Variants in NIPBL observed in about 807,000 individuals in gnomAD.
NIPBL encodes nipped-B-like protein.
A neutral mutation model predicts 321.8 loss-of-function variants in NIPBL; 19 were observed. The observed-to-expected ratio is 0.06, with a 90% confidence interval of 0.04 to 0.09. The LOEUF is 0.09. Among genes scored for constraint, NIPBL ranks in the 10% least tolerant of loss-of-function variants. NIPBL has a pLI of 1.00. For synonymous variants in NIPBL, 1,106 were observed against 1,114.1 expected (o/e 0.99, Z 0.14); for missense variants, 2,210 against 3,327.0 (o/e 0.66, Z 8.26).
In NIPBL at chr5:37,048,885, C is replaced by T. The variant is rs568348646; in HGVS notation, c.6763+210C>T. Among the ~76,000 whole-genome samples the T allele has an allele frequency of 3.3e-5, 5 of 152,056 alleles. No individual in the cohort carries two copies. The South Asian group carries it at 1.0e-3, about 32-fold the overall frequency. On this transcript the variant is annotated intron_variant, in intron 39 of 46. Transcript: ENST00000282516. ...AATTGTATATGTGTGTAAACATTAA[C>T]ATTTTGAGGGAGGAAAGAGATTATA...
intron 1 of NIPBL, among the ~76,000 whole-genome samples, chr5:36,889,099 A>C (rs1024732949): frequency 6.6e-6 from 1 of 152,134 alleles, no homozygotes; most frequent in African/African-American, 2.4e-5. Flanking sequence ...CAGTTTGGGG[A>C]CATAGGACTA....
intron 1 of NIPBL, among the ~76,000 whole-genome samples, chr5:36,950,316 G>GT: frequency 6.6e-6 from 1 of 152,012 alleles, no homozygotes; most frequent in Non-Finnish European, 1.5e-5. Context: ...AATCTGTTTA[G>GT]TAATGCTGTT....
chr5:37,042,990 T>C (rs1339361562), intron 34 of NIPBL, among the ~76,000 whole-genome samples: 1 of 152,150 alleles, frequency 6.6e-6, no homozygotes, highest in Non-Finnish European at 1.5e-5. Context: ...CAAGACTTTT[T>C]ATTGTAAATC....
At chr5:37,044,756 T>G (rs758100272) in intron 36 of NIPBL, 27 bp downstream of exon 36, 5 of 1,529,598 alleles carry the variant, frequency 3.3e-6, no homozygotes, top group Non-Finnish European at 4.5e-6. Context: ...GGTTTTAAAA[T>G]TATTCTGCTA....
chr5:36,961,989 G>A (rs1741677927), intron 5 of NIPBL, 134 bp from the exon 6 acceptor site: 1 of 994,664 alleles, frequency 1.0e-6, no homozygotes. Flanking sequence ...TGACTATTTT[G>A]CAAGATTCTT....
chr5:37,061,204 G>C (rs955428867), intron 45 of NIPBL, among the ~76,000 whole-genome samples, 186 bp downstream of exon 45: 1 of 152,028 alleles, frequency 6.6e-6, no homozygotes, highest in Non-Finnish European at 1.5e-5. Context: ...TGCACCCATG[G>C]CATCCTAATT....
At chr5:36,947,170 A>G (rs1286738104) in intron 1 of NIPBL, among the ~76,000 whole-genome samples, 1 of 152,038 alleles carries the variant, frequency 6.6e-6, no homozygotes, top group African/African-American at 2.4e-5. Context: ...TTTCTTGCCT[A>G]TCTGATCTAT....
Position 37,038,652 on chromosome 5 carries a change from A to G in NIPBL, c.6022A>G (p.Thr2008Ala), listed in dbSNP as rs1314806013. The change falls in exon 34 of 47, where the codon ACT becomes GCT. Residue 2008 changes from threonine to alanine, a missense_variant. Coordinates refer to ENST00000282516, the MANE Select transcript of NIPBL (RefSeq NM_133433.4). ...TGGAAGATTGGTAGCTTGCATAACC[A>G]CTTTGTTCTTATTCAGCAAAATAAG... ...NSGRLVACITTLFLFSKIRPQ... is the reference protein window; with the variant it reads ...NSGRLVACITALFLFSKIRPQ... 1.2e-6 allele frequency: 2 copies of G among 1,613,828 alleles called. No homozygotes were observed. Among genetic ancestry groups the G allele is most frequent in the Non-Finnish European group, 1.7e-6 (2 of 1,179,858 alleles).
chr5:36,982,318 T>G (rs1198320350), intron 9 of NIPBL: 2 of 617,518 alleles, frequency 3.2e-6, no homozygotes, highest in Non-Finnish European at 4.0e-6. Flanking sequence ...ATAACAAAAG[T>G]GGGTGGACAA....
chr5:36,941,623 A>G (rs557109243), intron 1 of NIPBL, among the ~76,000 whole-genome samples: 3 of 151,968 alleles, frequency 2.0e-5, no homozygotes, highest in Middle Eastern at 6.9e-3. Flanking sequence ...AAATTATGCT[A>G]TAACACATGG....
chr5:36,938,117 G>A (rs1162121849), intron 1 of NIPBL, among the ~76,000 whole-genome samples: 4 of 152,120 alleles, frequency 2.6e-5, no homozygotes, highest in African/African-American at 9.7e-5. Flanking sequence ...TGGTTTTAGT[G>A]GGCGTGACAT....
intron 1 of NIPBL, among the ~76,000 whole-genome samples, chr5:36,904,838 G>A (rs945191254): frequency 6.6e-6 from 1 of 152,094 alleles, no homozygotes; most frequent in African/African-American, 2.4e-5. Flanking sequence ...ACTAAGAGAG[G>A]GTACCACAAC....
intron 1 of NIPBL, among the ~76,000 whole-genome samples, chr5:36,917,264 G>C (rs1386418543): frequency 1.3e-5 from 2 of 152,138 alleles, no homozygotes; most frequent in African/African-American, 4.8e-5. Context: ...ATTTTTTCAT[G>C]TGTCTGTTGG....
intron 41 of NIPBL, 142 bp downstream of exon 41, chr5:37,052,028 G>A: frequency 1.4e-6 from 1 of 723,664 alleles, no homozygotes; most frequent in South Asian, 1.7e-5. Flanking sequence ...AACTAAGTTA[G>A]TCTTCCAAGG....
intron 1 of NIPBL, among the ~76,000 whole-genome samples, chr5:36,880,992 T>G (rs2149514567): frequency 6.6e-6 from 1 of 152,136 alleles, no homozygotes; most frequent in African/African-American, 2.4e-5. Flanking sequence ...ATGTGTGAGC[T>G]CTGGTCTTGA....
chr5:36,884,097 A>G (rs180811598), intron 1 of NIPBL, among the ~76,000 whole-genome samples: 2 of 152,124 alleles, frequency 1.3e-5, no homozygotes, highest in Non-Finnish European at 2.9e-5. Context: ...TGAAAGACAC[A>G]CATGACATAC....
At chr5:37,013,308 A>G (rs1362497811) in intron 21 of NIPBL, among the ~76,000 whole-genome samples, 3 of 131,968 alleles carry the variant, frequency 2.3e-5, no homozygotes, top group Non-Finnish European at 3.2e-5. Context: ...TGACCCCCCC[A>G]CCTCCCTCCC....
chr5:36,930,812 C>G (rs1749720427), intron 1 of NIPBL, among the ~76,000 whole-genome samples: 1 of 152,010 alleles, frequency 6.6e-6, no homozygotes, highest in Non-Finnish European at 1.5e-5. Flanking sequence ...GCTTTAGTTG[C>G]TATTTCTATT....
intron 25 of NIPBL, among the ~76,000 whole-genome samples, chr5:37,019,638 G>A (rs1749399864): frequency 6.6e-6 from 1 of 152,152 alleles, no homozygotes; most frequent in South Asian, 2.1e-4. Flanking sequence ...AGAAATATTT[G>A]GAAGTCTCTC....
Sources: gnomAD v4.1 joint callset for allele counts (sites outside exome capture counted in the v4.1 genomes callset) on GRCh38, gnomAD v4.1.1 for gene constraint, MANE v1.5 for transcripts, NCBI Gene and HGNC (gene_info 2026-07-23, HGNC 2026-07-21) for gene names.